GRM5: variants seen among roughly 807,000 people sequenced by gnomAD.
GRM5 encodes glutamate metabotropic receptor 5.
A neutral mutation model predicts 83.1 loss-of-function variants in GRM5; 19 were observed. That is an observed-to-expected ratio of 0.23 (90% CI 0.16 to 0.34). GRM5 has a LOEUF of 0.34. Ranked by LOEUF, GRM5 falls within the 10% of genes least tolerant of loss-of-function variation. The pLI is 1.00. For synonymous variants in GRM5, 675 were observed against 633.6 expected (o/e 1.07, Z -0.98); for missense variants, 1,160 against 1,588.3 (o/e 0.73, Z 4.58).
chr11:88,808,022 C>A (rs1173499292), intron 3 of GRM5, among the ~76,000 whole-genome samples: 1 of 151,822 alleles, frequency 6.6e-6, no homozygotes, highest in East Asian at 1.9e-4. Context: ...TTATAAATTT[C>A]TAGATACTGG....
chr11:88,854,984 A>T (rs977438428), intron 2 of GRM5, among the ~76,000 whole-genome samples: 18 of 152,004 alleles, frequency 1.2e-4, no homozygotes, highest in African/African-American at 4.3e-4. Context: ...AAAGATAATA[A>T]AGTATAACAG....
At chr11:88,789,858 T>G (rs1245116807) in intron 3 of GRM5, among the ~76,000 whole-genome samples, 1 of 152,068 alleles carries the variant, frequency 6.6e-6, no homozygotes, top group Non-Finnish European at 1.5e-5. Context: ...AGGCAAATTT[T>G]TTTTTTCTTT....
intron 2 of GRM5, chr11:88,984,947 C>G: frequency 1.7e-6 from 1 of 586,610 alleles, no homozygotes; most frequent in East Asian, 2.9e-5. Flanking sequence ...TAATTTGACT[C>G]ACTTTTTTTC....
At chr11:88,675,099 C>T (rs1042274915) in intron 3 of GRM5, among the ~76,000 whole-genome samples, 3 of 151,868 alleles carry the variant, frequency 2.0e-5, no homozygotes, top group African/African-American at 7.3e-5. Flanking sequence ...TTCCTATATT[C>T]TGGCTGTTTT....
chr11:88,685,384 G>A (rs1940594217), intron 3 of GRM5, among the ~76,000 whole-genome samples: 1 of 152,190 alleles, frequency 6.6e-6, no homozygotes. Context: ...GCTGTTAAAA[G>A]CATTCAGTTT....
At position 88,881,160 on chromosome 11, in the gene GRM5, T is replaced by A. The variant is rs193192324; in HGVS notation, c.662-31005A>T. The stretch of plus-strand genomic sequence containing the variant: ...AAGCTTCAAATTTAAAAAAAAAATA[T>A]TATTAAAAATAAGACTGTGTTAACT... On this transcript the variant is annotated intron_variant, in intron 2 of 9. Transcript: ENST00000305447. Among the ~76,000 whole-genome samples the A allele has an allele frequency of 1.6e-4, 24 of 152,088 alleles. 1 individual carries two copies. In the East Asian group the frequency reaches 3.7e-3, roughly 23 times the overall value.
At chr11:89,058,263 C>T (rs941495163) in intron 1 of GRM5, among the ~76,000 whole-genome samples, 1 of 152,142 alleles carries the variant, frequency 6.6e-6, no homozygotes, top group Non-Finnish European at 1.5e-5. Context: ...GGTTTCTCAA[C>T]CTGAGCACTA....
chr11:88,606,287 C>T (rs993105592), intron 4 of GRM5, among the ~76,000 whole-genome samples: 2 of 152,192 alleles, frequency 1.3e-5, no homozygotes, highest in African/African-American at 4.8e-5. Flanking sequence ...CTTTAGGAGG[C>T]TGAGGCGAGT....
At chr11:88,862,472 T>A (rs550745008) in intron 2 of GRM5, among the ~76,000 whole-genome samples, 1 of 152,268 alleles carries the variant, frequency 6.6e-6, no homozygotes, top group African/African-American at 2.4e-5. Context: ...CACTTAAAAA[T>A]CCTCAGTTTT....
intron 3 of GRM5, among the ~76,000 whole-genome samples, chr11:88,809,788 A>C (rs1216792457): frequency 6.6e-6 from 1 of 151,762 alleles, no homozygotes. Context: ...AAAGTTGAGG[A>C]GATTCTTCAG....
At chr11:88,568,602 C>T (rs1591354985) in intron 7 of GRM5, among the ~76,000 whole-genome samples, 1 of 152,048 alleles carries the variant, frequency 6.6e-6, no homozygotes, top group Admixed American at 6.6e-5. Context: ...CAATGACAAG[C>T]TCAGATTTGT....
In GRM5 at chr11:88,533,002, C is replaced by T. The variant is rs58846710; in HGVS notation, c.2631-7598G>A. On this transcript the variant is annotated intron_variant, in intron 8 of 9. Coordinates refer to ENST00000305447, the MANE Select transcript of GRM5 (RefSeq NM_001143831.3). The stretch of plus-strand genomic sequence containing the variant: ...ATTTTAACAGTTTCTCAAACTGGTT[C>T]TGCTTTGTCTGTTACTAAATTTCCC... Among the ~76,000 whole-genome samples, 34 of 152,276 alleles carry T rather than the reference C, an allele frequency of 2.2e-4. 1 individual carries two copies. In the East Asian group the frequency reaches 6.4e-3, roughly 29 times the overall value.
At chr11:88,890,179 A>C (rs1341333665) in intron 2 of GRM5, among the ~76,000 whole-genome samples, 1 of 151,984 alleles carries the variant, frequency 6.6e-6, no homozygotes. Context: ...GATAAAGCTG[A>C]TTAGCTTTGG....
chr11:89,060,155 A>G (rs1161865337), intron 1 of GRM5, among the ~76,000 whole-genome samples: 1 of 152,098 alleles, frequency 6.6e-6, no homozygotes, highest in Non-Finnish European at 1.5e-5. Context: ...AAGCAGCTCA[A>G]AACAAAGGAA....
At chr11:88,576,404 C>T (rs1240625622) in intron 7 of GRM5, among the ~76,000 whole-genome samples, 2 of 152,106 alleles carry the variant, frequency 1.3e-5, no homozygotes, top group African/African-American at 4.8e-5. Flanking sequence ...GAGACTGTTT[C>T]TTTGCTTGTT....
chr11:88,758,632 G>A (rs1255369986), intron 3 of GRM5, among the ~76,000 whole-genome samples: 1 of 152,176 alleles, frequency 6.6e-6, no homozygotes, highest in African/African-American at 2.4e-5. Context: ...GTTCTCGAAA[G>A]CGTTGGGGAG....
At chr11:88,639,530 A>AAAG (rs1939232458) in intron 4 of GRM5, among the ~76,000 whole-genome samples, 1 of 152,046 alleles carries the variant, frequency 6.6e-6, no homozygotes. Flanking sequence ...TTCATCTTCA[A>AAAG]AAGAAGCAGC....
At chr11:88,864,271 C>A (rs1226751744) in intron 2 of GRM5, among the ~76,000 whole-genome samples, 1 of 151,118 alleles carries the variant, frequency 6.6e-6, no homozygotes, top group African/African-American at 2.4e-5. Context: ...GAAGAGGTTT[C>A]TGAAGGCAGG....
At chr11:88,741,088 G>C (rs1359987846) in intron 3 of GRM5, among the ~76,000 whole-genome samples, 1 of 152,054 alleles carries the variant, frequency 6.6e-6, no homozygotes, top group South Asian at 2.1e-4. Flanking sequence ...CAGACAAAGA[G>C]TTGGGAAACT....
Sources: allele counts gnomAD v4.1 joint callset (sites outside exome capture counted in the v4.1 genomes callset), GRCh38; gene constraint gnomAD v4.1.1; transcripts MANE v1.5; gene names NCBI Gene and HGNC (gene_info 2026-07-23, HGNC 2026-07-21).